SLC43A2: variants seen among roughly 807,000 people sequenced by gnomAD.
The protein encoded by SLC43A2 is solute carrier family 43 member 2.
A neutral mutation model predicts 63.2 loss-of-function variants in SLC43A2; 38 were observed. That is an observed-to-expected ratio of 0.60 (90% CI 0.46 to 0.79). The LOEUF is 0.79. SLC43A2 is among the 30% of genes least tolerant of loss of function. SLC43A2 has a pLI of 0.00. For synonymous variants in SLC43A2, 322 were observed against 331.0 expected (o/e 0.97, Z 0.30); for missense variants, 644 against 756.2 (o/e 0.85, Z 1.74).
At chr17:1,592,886 G>A (rs1044829436) in intron 6 of SLC43A2, among the ~76,000 whole-genome samples, 3 of 152,174 alleles carry the variant, frequency 2.0e-5, no homozygotes, top group South Asian at 2.1e-4. Flanking sequence ...CCAGGATGAC[G>A]GAGGAGACGG....
intron 11 of SLC43A2, among the ~76,000 whole-genome samples, chr17:1,579,291 T>A (rs894817180): frequency 6.6e-6 from 1 of 151,028 alleles, no homozygotes; most frequent in Admixed American, 6.6e-5. Context: ...TGAAACCCCA[T>A]CTTTACTAAA....
intron 6 of SLC43A2, 40 bp from the exon 7 acceptor site, chr17:1,591,739 G>GGTGGGGCC: frequency 2.0e-6 from 1 of 512,310 alleles, no homozygotes; most frequent in Admixed American, 2.3e-5. Context: ...GGGGGAGGGG[G>GGTGGGGCC]CAGAGTTAGC....
chr17:1,596,074 A>G (rs574401199), intron 5 of SLC43A2, among the ~76,000 whole-genome samples: 1 of 152,140 alleles, frequency 6.6e-6, no homozygotes, highest in Non-Finnish European at 1.5e-5. Context: ...TCATCCCCGC[A>G]CTTTGGGAGG....
rs549391588 is a variant in SLC43A2 at position 1,576,927 on chromosome 17, C to T, written c.1425-207G>A. Among the ~76,000 whole-genome samples, 11 of 151,024 alleles carry T rather than the reference C, an allele frequency of 7.3e-5. No individual in the cohort carries two copies. In the East Asian group the frequency reaches 1.2e-3, roughly 16 times the overall value. ...TCGCCTGGGCTGGAGTGCAATGACA[C>T]GATCTCGGCTCACTGCAACCTCCGC... On this transcript the variant is annotated intron_variant, in intron 12 of 13. Transcript: ENST00000301335.
At position 1,575,774 on chromosome 17, in the gene SLC43A2, G is replaced by T. The variant is rs1192108059; in HGVS notation, c.1549-9C>A. 6.2e-7 allele frequency: 1 copy of T among 1,606,048 alleles called. No homozygotes were observed. Among genetic ancestry groups the T allele is most frequent in the South Asian group, 1.1e-5 (1 of 90,528 alleles). On this transcript the variant is annotated splice_polypyrimidine_tract_variant and intron_variant, in intron 13 of 13. Coordinates refer to ENST00000301335, the MANE Select transcript of SLC43A2 (RefSeq NM_152346.3). ...AGCAGCCCCACGTTCACCTGGGGAG[G>T]CAGGGAGGCCGCGCATCACAGGGCG... is the stretch of plus-strand genomic sequence containing the variant.
intron 8 of SLC43A2, 100 bp from the exon 9 acceptor site, chr17:1,591,048 C>T (rs753722609): frequency 3.4e-5 from 47 of 1,376,842 alleles, no homozygotes; most frequent in African/African-American, 1.4e-4. Context: ...AGGGGGCCCT[C>T]GGGACGGGCC....
chr17:1,604,994 C>CGGAGGG (rs1418328945), intron 5 of SLC43A2: 2 of 1,439,102 alleles, frequency 1.4e-6, no homozygotes, highest in Admixed American at 2.5e-5. Context: ...CGAGGGCTGG[C>CGGAGGG]GGAGGGGAAG....
rs1450094308 is a variant in SLC43A2, at chr17:1,577,514, C to A, written c.1424+736G>T. 6.6e-6 allele frequency among the ~76,000 whole-genome samples: 1 copy of A among 152,182 alleles called. No homozygotes were observed. Among genetic ancestry groups the A allele is most frequent in the Non-Finnish European group, 1.5e-5 (1 of 68,036 alleles). On this transcript the variant is annotated intron_variant, in intron 12 of 13. Coordinates refer to ENST00000301335, the MANE Select transcript of SLC43A2 (RefSeq NM_152346.3). The surrounding 1 kb of genome is among the most constrained non-coding windows in gnomAD (Gnocchi z 4.9). ...AGCGGAGCTGGGATTACCCCAGGGG[C>A]TGTTGCGGGAATTGGGAGAGAGTTC...
At position 1,627,748 on chromosome 17, in the gene SLC43A2, C is replaced by G. The variant is rs569789272; in HGVS notation, c.127G>C (p.Glu43Gln). ...GTACACAGGTAGGAGTAAAAGCCCTCTGACTTGAGCATGATGAGCAGCGAG... is the reference window on the plus strand; with the variant it reads ...GTACACAGGTAGGAGTAAAAGCCCTGTGACTTGAGCATGATGAGCAGCGAG... Reference protein sequence around the residue: ...WGSLLIMLKSEGFYSYLCTEP... With the variant: ...WGSLLIMLKSQGFYSYLCTEP... Residue 43 changes from glutamate to glutamine, a missense_variant, in exon 2 of 14, where the codon GAG becomes CAG. Around this residue, in one of 3 missense-constraint regions of SLC43A2, gnomAD observed 528 missense variants for 623.6 expected, o/e 0.85. Coordinates refer to ENST00000301335, the MANE Select transcript of SLC43A2 (RefSeq NM_152346.3). 16 of 1,595,026 alleles carry G rather than the reference C, an allele frequency of 1.0e-5. No homozygotes were observed. In the South Asian group the frequency reaches 1.7e-4, roughly 17 times the overall value.
At chr17:1,601,196 T>G (rs939758703) in intron 5 of SLC43A2, among the ~76,000 whole-genome samples, 1 of 152,090 alleles carries the variant, frequency 6.6e-6, no homozygotes, top group African/African-American at 2.4e-5. Flanking sequence ...AGGTCTGAGC[T>G]GGCACTAGAC....
chr17:1,576,904 G>A (rs1307023686), intron 12 of SLC43A2, among the ~76,000 whole-genome samples, 184 bp from the exon 13 acceptor site: 1 of 146,530 alleles, frequency 6.8e-6, no homozygotes, highest in Admixed American at 6.9e-5. Context: ...TTGCACTGTC[G>A]CCTGGGCTGG....
chr17:1,605,769 G>T lies in SLC43A2; in HGVS notation c.501+7426C>A, dbSNP rs947044379. The stretch of plus-strand genomic sequence containing the variant: ...GCACAGGTAGACTCTGCCAGGCTGG[G>T]CTGTTTCCTACCCACAACAACCGGG... On this transcript the variant is annotated intron_variant, in intron 5 of 13. Coordinates refer to ENST00000301335, the MANE Select transcript of SLC43A2 (RefSeq NM_152346.3). The surrounding 1 kb of genome is among the most constrained non-coding windows in gnomAD (Gnocchi z 4.9). Among the ~76,000 whole-genome samples, 2 of 152,206 alleles carry T rather than the reference G, an allele frequency of 1.3e-5. No homozygotes were observed. Among genetic ancestry groups the T allele is most frequent in the Non-Finnish European group, 2.9e-5 (2 of 68,026 alleles).
intron 2 of SLC43A2, among the ~76,000 whole-genome samples, chr17:1,623,139 G>A (rs1373367130): frequency 1.3e-5 from 2 of 152,142 alleles, no homozygotes; most frequent in Non-Finnish European, 2.9e-5. Context: ...AGAGGTCCTC[G>A]AGGCAGCAGA....
At chr17:1,604,977 C>T (rs908728193) in intron 5 of SLC43A2, 32 of 1,459,786 alleles carry the variant, frequency 2.2e-5, no homozygotes, top group Middle Eastern at 2.2e-4. Context: ...CGCCCTAGCG[C>T]GGGCCTCGAG....
At chr17:1,622,468 G>A (rs1419179564) in intron 2 of SLC43A2, among the ~76,000 whole-genome samples, 1 of 152,148 alleles carries the variant, frequency 6.6e-6, no homozygotes, top group Non-Finnish European at 1.5e-5. Flanking sequence ...GGGAGGCTGA[G>A]GCAGGAGAAT....
At position 1,593,265 on chromosome 17, in the gene SLC43A2, G is replaced by A. The variant is rs199849545; in HGVS notation, c.516C>T (p.Phe172=). ...CAATAAACGTGGACCGAAGGTCGCC[G>A]AACATGTTGGGCAGCTGAGAGATAA... is the stretch of plus-strand genomic sequence containing the variant. ...TFTSLTLPNM[F]GDLRSTFIAL... The change falls in exon 6 of 14, where the codon TTC becomes TTT. Residue 172 remains phenylalanine (F), a synonymous_variant. Transcript: ENST00000301335. The surrounding 1 kb of genome is among the most constrained non-coding windows in gnomAD (Gnocchi z 5.3). 5.3e-5 allele frequency: 85 copies of A among 1,613,784 alleles called. No individual in the cohort carries two copies. The East Asian group carries it at 1.4e-3, about 26-fold the overall frequency.
intron 5 of SLC43A2, chr17:1,604,409 C>T (rs112638346): frequency 2.3e-4 from 66 of 288,580 alleles, no homozygotes; most frequent in African/African-American, 1.3e-3. Context: ...CAGGCTGGAG[C>T]GCAGTGGCTA....
chr17:1,584,589 G>C (rs181770176), intron 10 of SLC43A2, among the ~76,000 whole-genome samples: 1 of 152,070 alleles, frequency 6.6e-6, no homozygotes, highest in Non-Finnish European at 1.5e-5. Context: ...CGAGGCAAGC[G>C]GATCACAAGA....
chr17:1,600,153 T>TATATATATATATATATATATATATATATA (rs1491178977), intron 5 of SLC43A2, among the ~76,000 whole-genome samples: 1 of 38,264 alleles, frequency 2.6e-5, no homozygotes, highest in African/African-American at 8.6e-5. Flanking sequence ...TATATATATA[T>TATATATATATATATATATATATATATATA]TTTTTTTTTT....
Sources: allele counts gnomAD v4.1 joint callset (sites outside exome capture counted in the v4.1 genomes callset), GRCh38; gene constraint gnomAD v4.1.1; regional missense constraint gnomAD v4.1.1; non-coding constraint Gnocchi (gnomAD v3.1); transcripts MANE v1.5; gene names NCBI Gene and HGNC (gene_info 2026-07-23, HGNC 2026-07-21).